The following MCU variants were observed in gnomAD, a reference collection of about 807,000 sequenced individuals.
MCU encodes the protein calcium uniporter protein, mitochondrial.
A neutral mutation model predicts 45.2 loss-of-function variants in MCU; 12 were observed. The observed-to-expected ratio is 0.27, with a 90% CI of 0.17 to 0.43. The LOEUF (loss-of-function observed/expected upper bound fraction) is 0.43. Ranked by LOEUF, MCU falls within the 20% of genes least tolerant of loss-of-function variation. The pLI is 1.00. For synonymous variants in MCU, 160 were observed against 165.1 expected, an observed-to-expected ratio of 0.97 and a Z score of 0.24; for missense variants, 324 against 436.7, an observed-to-expected ratio of 0.74 and a Z score of 2.30.
chr10:72,878,684 A>G (rs74145981), intron 6 of MCU, among the ~76,000 whole-genome samples: 6,268 of 152,286 alleles, frequency 0.041, 419 homozygotes, highest in African/African-American at 0.14. Context: ...AGCAGATTAG[A>G]CATAACAAAA....
At chr10:72,777,050 A>G (rs757801123) in intron 1 of MCU, among the ~76,000 whole-genome samples, 17 of 152,220 alleles carry the variant, frequency 1.1e-4, no homozygotes, top group Non-Finnish European at 2.4e-4. Context: ...AAGAAACTGA[A>G]GAAGATGCAA....
intron 1 of MCU, among the ~76,000 whole-genome samples, chr10:72,728,379 A>G (rs1449479455): frequency 6.6e-6 from 1 of 152,226 alleles, no homozygotes; most frequent in East Asian, 1.9e-4. Context: ...ATAGTTAACT[A>G]GTTGATTATT....
At chr10:72,716,009 T>TA (rs1842951715) in intron 1 of MCU, 1 of 422,374 alleles carries the variant, frequency 2.4e-6, no homozygotes, top group African/African-American at 2.1e-5. Context: ...AGTTGATTTT[T>TA]CTGCCCCCTG....
intron 1 of MCU, among the ~76,000 whole-genome samples, chr10:72,795,953 G>A (rs1011036073): frequency 6.6e-6 from 1 of 151,708 alleles, no homozygotes; most frequent in Non-Finnish European, 1.5e-5. Context: ...AGCTGAGATC[G>A]CACCACTGCA....
Position 72,880,685 on chromosome 10 carries a change from C to G in MCU, c.862-3581C>G, listed in dbSNP as rs576414279. 3.9e-5 allele frequency among the ~76,000 whole-genome samples: 6 copies of G among 152,268 alleles called. No homozygotes were observed. The East Asian group carries it at 1.2e-3, about 29-fold the overall frequency. ...AAAGACTAAGAAAAGCCATTAAACT[C>G]TTGAAGAAAAACTGGGTAAGAGGAT... On this transcript the variant is annotated intron_variant, in intron 6 of 7. Coordinates refer to ENST00000373053, the MANE Select transcript of MCU (RefSeq NM_138357.3).
chr10:72,735,499 A>C (rs1168569925), intron 1 of MCU, among the ~76,000 whole-genome samples: 1 of 152,212 alleles, frequency 6.6e-6, no homozygotes, highest in African/African-American at 2.4e-5. Context: ...TATTAATAGA[A>C]GCATGGTGTC....
At chr10:72,834,767 T>C (rs543331172) in intron 2 of MCU, among the ~76,000 whole-genome samples, 1 of 152,120 alleles carries the variant, frequency 6.6e-6, no homozygotes, top group Non-Finnish European at 1.5e-5. Flanking sequence ...ATTCAAGCAA[T>C]TCTCCTGCCT....
chr10:72,779,519 T>C (rs1040614737), intron 1 of MCU, among the ~76,000 whole-genome samples: 2 of 152,200 alleles, frequency 1.3e-5, no homozygotes, highest in Non-Finnish European at 2.9e-5. Context: ...AGAAGATATT[T>C]GCAGATCATT....
At chr10:72,841,432 G>A (rs1009645431) in intron 2 of MCU, among the ~76,000 whole-genome samples, 1 of 152,042 alleles carries the variant, frequency 6.6e-6, no homozygotes, top group Non-Finnish European at 1.5e-5. Context: ...CGAGTAGCCG[G>A]GGTTACAGGC....
At chr10:72,818,935 A>G (rs1844667640) in intron 1 of MCU, among the ~76,000 whole-genome samples, 1 of 152,050 alleles carries the variant, frequency 6.6e-6, no homozygotes, top group Non-Finnish European at 1.5e-5. Context: ...GTTACTTCTA[A>G]CTCTTAATGC....
rs142385797 is a variant in MCU at position 72,830,825 on chromosome 10, G to A, written c.151-3534G>A. Among the ~76,000 whole-genome samples the A allele has an allele frequency of 5.9e-3, 904 of 152,306 alleles. 11 individuals are homozygous for A. Among genetic ancestry groups the A allele is most frequent in the African/African-American group, 0.021 (853 of 41,568 alleles). ...GGGGAAACCCTGAGGAATGACACCT[G>A]TGGTCGCAGATCCCCAACAAAGCCA... is the stretch of plus-strand genomic sequence containing the variant. On this transcript the variant is annotated intron_variant, in intron 1 of 7. Transcript: ENST00000373053.
intron 1 of MCU, among the ~76,000 whole-genome samples, chr10:72,805,394 G>A (rs899416802): frequency 1.3e-5 from 2 of 151,418 alleles, no homozygotes; most frequent in African/African-American, 4.9e-5. Flanking sequence ...GACTACAGGT[G>A]CCTGCCACCA....
At chr10:72,781,390 T>G (rs888775767) in intron 1 of MCU, among the ~76,000 whole-genome samples, 1 of 152,236 alleles carries the variant, frequency 6.6e-6, no homozygotes, top group African/African-American at 2.4e-5. Context: ...ACTCAGTATC[T>G]TAGATTTATT....
At chr10:72,856,768 TAAAAAAAAAAAAAAAA>T (rs1204072398) in intron 2 of MCU, among the ~76,000 whole-genome samples, 1 of 64,950 alleles carries the variant, frequency 1.5e-5, no homozygotes, top group African/African-American at 6.2e-5. Context: ...ACCCTGTCTC[TAAAAAAAAAAAAAAAA>T]AAAAAAAAAA....
At chr10:72,842,202 T>C (rs1845058430) in intron 2 of MCU, among the ~76,000 whole-genome samples, 1 of 152,218 alleles carries the variant, frequency 6.6e-6, no homozygotes, top group Non-Finnish European at 1.5e-5. Context: ...AATTTTCTAC[T>C]ACTTGAAGTA....
At chr10:72,800,550 G>A (rs572661394) in intron 1 of MCU, among the ~76,000 whole-genome samples, 4 of 152,274 alleles carry the variant, frequency 2.6e-5, no homozygotes, top group African/African-American at 9.6e-5. Flanking sequence ...TTTATTTACT[G>A]AATGACTTAA....
In MCU at chr10:72,837,049, A is replaced by G. The variant is rs574216148; in HGVS notation, c.220+2621A>G. ...AATTATGGTATTATATGCTTAGTAAATATACCTATATATACTGCTTTTCAG... is the reference window on the plus strand; with the variant it reads ...AATTATGGTATTATATGCTTAGTAAGTATACCTATATATACTGCTTTTCAG... On this transcript the variant is annotated intron_variant, in intron 2 of 7. Coordinates refer to ENST00000373053, the MANE Select transcript of MCU (RefSeq NM_138357.3). Among the ~76,000 whole-genome samples, 6 of 152,322 alleles carry G rather than the reference A, an allele frequency of 3.9e-5. No homozygotes were observed. In the East Asian group the frequency reaches 1.2e-3, roughly 29 times the overall value.
chr10:72,764,044 GGT>G (rs1843692956), intron 1 of MCU, among the ~76,000 whole-genome samples: 1 of 152,070 alleles, frequency 6.6e-6, no homozygotes, highest in Non-Finnish European at 1.5e-5. Flanking sequence ...GAACAGTTTA[GGT>G]TGAACTGTTA....
At chr10:72,884,562 A>G (rs1291847600) in intron 7 of MCU, 180 bp downstream of exon 7, 1 of 497,250 alleles carries the variant, frequency 2.0e-6, no homozygotes, top group East Asian at 3.0e-5. Context: ...TTCTCTAGAA[A>G]GTTTTATAAA....
Sources: gnomAD v4.1 joint callset for allele counts (sites outside exome capture counted in the v4.1 genomes callset) on GRCh38, gnomAD v4.1.1 for gene constraint, MANE v1.5 for transcripts, NCBI Gene and HGNC (gene_info 2026-07-23, HGNC 2026-07-21) for gene names.